Variants in SLIT3 observed in about 807,000 individuals in gnomAD.
The protein encoded by SLIT3 is slit guidance ligand 3.
Under a neutral mutation model 184.0 loss-of-function variants are expected in SLIT3, and 68 were observed. The observed-to-expected ratio is 0.37, with a 90% CI of 0.30 to 0.45. The LOEUF is 0.45. Among genes scored for constraint, SLIT3 ranks in the 20% least tolerant of loss-of-function variants. The probability of loss-of-function intolerance (pLI) is 1.00; values close to 1 mark genes in which losing one functional copy is unlikely to be tolerated. For synonymous variants in SLIT3, 831 were observed against 828.6 expected (o/e 1.00, Z -0.05); for missense variants, 1,707 against 2,026.0 (o/e 0.84, Z 3.02).
chr5:168,680,712 G>C (rs1184368184), intron 32 of SLIT3, among the ~76,000 whole-genome samples: 1 of 152,144 alleles, frequency 6.6e-6, no homozygotes, highest in East Asian at 1.9e-4. Context: ...ATTAACCCCA[G>C]CCCTCCCACA....
At chr5:169,102,470 C>T (rs981383682) in intron 4 of SLIT3, among the ~76,000 whole-genome samples, 4 of 152,150 alleles carry the variant, frequency 2.6e-5, no homozygotes, top group Non-Finnish European at 4.4e-5. Context: ...CACATCCTCT[C>T]ACATATATTA....
At chr5:169,292,749 C>T (rs1266538291) in intron 1 of SLIT3, among the ~76,000 whole-genome samples, 1 of 152,180 alleles carries the variant, frequency 6.6e-6, no homozygotes, top group Non-Finnish European at 1.5e-5. Flanking sequence ...TCCTGAAAAG[C>T]TGATGAAATG....
intron 9 of SLIT3, among the ~76,000 whole-genome samples, chr5:168,801,214 A>G (rs1239234381): frequency 1.3e-5 from 2 of 152,142 alleles, no homozygotes; most frequent in Non-Finnish European, 2.9e-5. Context: ...AGTCCCTTAC[A>G]TGGAAACCTG....
chr5:169,272,975 C>G (rs1245148276), intron 1 of SLIT3, among the ~76,000 whole-genome samples: 1 of 152,214 alleles, frequency 6.6e-6, no homozygotes, highest in Admixed American at 6.5e-5. Context: ...TGCTCTCAGC[C>G]AGCTCATGGG....
chr5:169,112,502 G>A (rs1170864234), intron 4 of SLIT3, among the ~76,000 whole-genome samples: 1 of 152,182 alleles, frequency 6.6e-6, no homozygotes, highest in African/African-American at 2.4e-5. Context: ...TGGAGGCTCT[G>A]GGGTCAGCAT....
intron 23 of SLIT3, among the ~76,000 whole-genome samples, chr5:168,716,038 G>A (rs1052198559): frequency 6.6e-6 from 1 of 151,964 alleles, no homozygotes; most frequent in Non-Finnish European, 1.5e-5. Flanking sequence ...CATGATCTTG[G>A]CTCACTGTAA....
intron 16 of SLIT3, among the ~76,000 whole-genome samples, chr5:168,760,236 A>C (rs1755098797): frequency 6.6e-6 from 1 of 152,200 alleles, no homozygotes; most frequent in Admixed American, 6.5e-5. Flanking sequence ...TGGTGCACCA[A>C]CATCATTCTC....
intron 20 of SLIT3, among the ~76,000 whole-genome samples, chr5:168,747,551 C>T (rs1222480769): frequency 6.6e-6 from 1 of 152,164 alleles, no homozygotes; most frequent in African/African-American, 2.4e-5. Context: ...CTGCAGTGCT[C>T]TTGGTGCATT....
chr5:168,847,765 C>T (rs1474334672), intron 5 of SLIT3, among the ~76,000 whole-genome samples: 6 of 152,308 alleles, frequency 3.9e-5, no homozygotes, highest in Non-Finnish European at 8.8e-5. Flanking sequence ...AGAGAACCTT[C>T]CGAAGCTGAG....
chr5:168,705,504 C>T (rs1762348683), intron 26 of SLIT3, among the ~76,000 whole-genome samples: 1 of 152,166 alleles, frequency 6.6e-6, no homozygotes, highest in Non-Finnish European at 1.5e-5. Flanking sequence ...TCACCATTGT[C>T]ACCTTTGTCA....
chr5:168,750,691 C>G (rs1754663625), intron 18 of SLIT3, among the ~76,000 whole-genome samples: 1 of 152,108 alleles, frequency 6.6e-6, no homozygotes, highest in Non-Finnish European at 1.5e-5. Context: ...TGGACCAGTT[C>G]ACTGATGTTA....
chr5:168,930,309 C>T (rs539432565), intron 4 of SLIT3, among the ~76,000 whole-genome samples: 1 of 152,172 alleles, frequency 6.6e-6, no homozygotes, highest in South Asian at 2.1e-4. Context: ...GAGAGTAAAC[C>T]CTTGTTAATT....
intron 1 of SLIT3, among the ~76,000 whole-genome samples, chr5:169,281,568 T>C (rs901845297): frequency 1.3e-5 from 2 of 152,196 alleles, no homozygotes; most frequent in Admixed American, 1.3e-4. Context: ...CTGTGTTGTA[T>C]GCATATATGT....
intron 4 of SLIT3, among the ~76,000 whole-genome samples, chr5:168,979,601 G>A (rs1332823339): frequency 6.6e-6 from 1 of 152,196 alleles, no homozygotes; most frequent in South Asian, 2.1e-4. Context: ...CTTCAGACAA[G>A]GGCAGTGTTT....
chr5:168,689,268 G>A (rs1318502787), intron 29 of SLIT3, among the ~76,000 whole-genome samples: 1 of 152,214 alleles, frequency 6.6e-6, no homozygotes, highest in Non-Finnish European at 1.5e-5. Context: ...CTAAAGAGAG[G>A]CAGCTGGTGC....
intron 4 of SLIT3, among the ~76,000 whole-genome samples, chr5:168,906,470 C>T (rs1013133292): frequency 1.3e-5 from 2 of 152,132 alleles, no homozygotes; most frequent in African/African-American, 4.8e-5. Context: ...AACGAAAAAA[C>T]AGAGAGTTTA....
intron 6 of SLIT3, among the ~76,000 whole-genome samples, chr5:168,830,136 A>G (rs1156311165): frequency 6.6e-6 from 1 of 152,116 alleles, no homozygotes; most frequent in Admixed American, 6.5e-5. Flanking sequence ...CTCTATTAGA[A>G]TCTGCATGGA....
intron 3 of SLIT3, among the ~76,000 whole-genome samples, chr5:169,195,344 G>T (rs1417486501): frequency 6.6e-6 from 1 of 152,190 alleles, no homozygotes; most frequent in Non-Finnish European, 1.5e-5. Context: ...AAGCATTGAA[G>T]ACTTCACATA....
At chr5:169,086,201 C>A (rs1759291695) in intron 4 of SLIT3, among the ~76,000 whole-genome samples, 1 of 152,154 alleles carries the variant, frequency 6.6e-6, no homozygotes, top group African/African-American at 2.4e-5. Flanking sequence ...GGCTAACCAC[C>A]CCATTTTACA....
Sources: allele counts gnomAD v4.1 joint callset (sites outside exome capture counted in the v4.1 genomes callset), GRCh38; gene constraint gnomAD v4.1.1; transcripts MANE v1.5; gene names NCBI Gene and HGNC (gene_info 2026-07-23, HGNC 2026-07-21).